The following KCMF1 variants were observed in gnomAD, a reference collection of about 807,000 sequenced individuals.
KCMF1 encodes the protein potassium channel modulatory factor 1, also known as E3 ubiquitin-protein ligase KCMF1.
Under a neutral mutation model 41.1 loss-of-function variants are expected in KCMF1, and 3 were observed. That is an observed-to-expected ratio of 0.07 (90% CI 0.03 to 0.19). The LOEUF is 0.19. Ranked by LOEUF, KCMF1 falls within the 10% of genes least tolerant of loss-of-function variation. KCMF1 has a pLI of 1.00. For synonymous variants in KCMF1, 142 were observed against 164.5 expected, an observed-to-expected ratio of 0.86 and a Z score of 1.04; for missense variants, 286 against 488.9, an observed-to-expected ratio of 0.58 and a Z score of 3.91.
At chr2:84,974,689 ATATTTTTTTTTT>A (rs1331770523) in intron 1 of KCMF1, among the ~76,000 whole-genome samples, 11 of 28,288 alleles carry the variant, frequency 3.9e-4, no homozygotes, top group Non-Finnish European at 5.1e-4. Context: ...ATATATATAT[ATATTTTTTTTTT>A]TTTTTTTTTT....
chr2:84,991,294 A>G (rs1674037714), intron 1 of KCMF1, among the ~76,000 whole-genome samples: 1 of 152,222 alleles, frequency 6.6e-6, no homozygotes, highest in Non-Finnish European at 1.5e-5. Flanking sequence ...ATGGAGGTCA[A>G]GAGTTCTGTT....
At chr2:85,008,878 C>G (rs545478591) in intron 1 of KCMF1, among the ~76,000 whole-genome samples, 12 of 151,944 alleles carry the variant, frequency 7.9e-5, no homozygotes, top group South Asian at 6.2e-4. Context: ...AGTCCTCCCC[C>G]GCTCAGTCTC....
chr2:85,005,359 G>C (rs1300051309), intron 1 of KCMF1, among the ~76,000 whole-genome samples: 1 of 151,718 alleles, frequency 6.6e-6, no homozygotes, highest in Non-Finnish European at 1.5e-5. Context: ...CACGATCTCA[G>C]CTCACTGCAA....
chr2:84,998,053 A>G (rs1434141177), intron 1 of KCMF1, among the ~76,000 whole-genome samples: 1 of 151,784 alleles, frequency 6.6e-6, no homozygotes, highest in African/African-American at 2.4e-5. Flanking sequence ...GATTACAGGC[A>G]TAAGCCCCCG....
intron 4 of KCMF1, among the ~76,000 whole-genome samples, chr2:85,045,888 TAC>T (rs143814912): frequency 0.011 from 1,629 of 151,822 alleles, 29 homozygotes; most frequent in African/African-American, 0.037. Flanking sequence ...ACACACCCAA[TAC>T]ACACACACAC....
At chr2:85,009,262 T>C (rs1377528038) in intron 1 of KCMF1, among the ~76,000 whole-genome samples, 3 of 152,148 alleles carry the variant, frequency 2.0e-5, no homozygotes, top group South Asian at 2.1e-4. Context: ...GAAGTAGGTG[T>C]CTGCTTCCCC....
chr2:84,978,721 T>C (rs960524500), intron 1 of KCMF1, among the ~76,000 whole-genome samples: 4 of 151,930 alleles, frequency 2.6e-5, no homozygotes, highest in Admixed American at 2.6e-4. Context: ...AATTTTTGTT[T>C]GTTTGCTTTT....
At chr2:85,008,930 A>G (rs1382280733) in intron 1 of KCMF1, among the ~76,000 whole-genome samples, 1 of 151,864 alleles carries the variant, frequency 6.6e-6, no homozygotes, top group African/African-American at 2.4e-5. Context: ...AGGTCTTACT[A>G]TATCGCCCTG....
At chr2:85,003,254 A>G (rs1196190339) in intron 1 of KCMF1, among the ~76,000 whole-genome samples, 1 of 152,158 alleles carries the variant, frequency 6.6e-6, no homozygotes, top group Non-Finnish European at 1.5e-5. Context: ...CGGGCAGATA[A>G]CGAGGTCAGG....
chr2:85,024,214 C>T (rs775400221), intron 1 of KCMF1, among the ~76,000 whole-genome samples: 12 of 152,154 alleles, frequency 7.9e-5, no homozygotes, highest in African/African-American at 2.7e-4. Flanking sequence ...TGGTGGCTCA[C>T]GCCTGTTGTA....
chr2:84,971,403 A>T lies in KCMF1; in HGVS notation c.-49A>T. 1 of 1,118,496 alleles carries T rather than the reference A, an allele frequency of 8.9e-7. No individual in the cohort carries two copies. The highest frequency in any genetic ancestry group is 1.1e-6 in the Non-Finnish European group (1 of 907,572). The allele number at this position is 1,118,496 out of a possible 1,614,324, so 69.3% of individuals were successfully genotyped here. A position where few individuals can be genotyped will look rare whatever the true frequency, so the allele number is the denominator to read the frequency against. On this transcript the variant is annotated 5_prime_UTR_variant, in exon 1 of 7. Transcript: ENST00000409785. ...GCAGCGCCGGGACCCCGCGGGGGAC[A>T]CTGCAGCCGGAGCCCGGGAGGGGCC...
intron 3 of KCMF1, among the ~76,000 whole-genome samples, chr2:85,039,863 A>G (rs1331152647): frequency 6.6e-6 from 1 of 152,060 alleles, no homozygotes; most frequent in Non-Finnish European, 1.5e-5. Context: ...CCCAGGCTCG[A>G]GTGCGATGGT....
At chr2:85,022,573 C>T (rs1674972922) in intron 1 of KCMF1, among the ~76,000 whole-genome samples, 1 of 152,060 alleles carries the variant, frequency 6.6e-6, no homozygotes, top group Admixed American at 6.5e-5. Flanking sequence ...GCTTTGCTTT[C>T]TGTTTTTTTG....
intron 3 of KCMF1, among the ~76,000 whole-genome samples, chr2:85,042,223 A>G (rs553260928): frequency 6.6e-6 from 1 of 152,376 alleles, no homozygotes; most frequent in East Asian, 1.9e-4. Context: ...CCTGAGTCAC[A>G]TAATCAGGAC....
intron 1 of KCMF1, among the ~76,000 whole-genome samples, chr2:84,985,894 T>TA (rs1673890304): frequency 1.3e-5 from 2 of 152,086 alleles, no homozygotes; most frequent in Admixed American, 1.3e-4. Flanking sequence ...CTCAAACTTT[T>TA]AAAAAAATAT....
At position 85,027,563 on chromosome 2, in the gene KCMF1, C is replaced by T. The variant is rs146378990; in HGVS notation, c.17-326C>T. 1.6e-3 allele frequency among the ~76,000 whole-genome samples: 250 copies of T among 151,774 alleles called. 1 individual carries two copies. Among genetic ancestry groups the T allele is most frequent in the African/African-American group, 5.7e-3 (236 of 41,416 alleles). ...CTAATTTTTGCATTTTTAGTAGAGACGGGGTTTCAACATGTTGACCAGGCT... is the reference window on the plus strand; with the variant it reads ...CTAATTTTTGCATTTTTAGTAGAGATGGGGTTTCAACATGTTGACCAGGCT... On this transcript the variant is annotated intron_variant, in intron 1 of 6. Coordinates refer to ENST00000409785, the MANE Select transcript of KCMF1 (RefSeq NM_020122.5).
At chr2:85,013,915 C>T (rs1476528495) in intron 1 of KCMF1, 7 of 152,080 alleles carry the variant, frequency 4.6e-5, no homozygotes, top group Admixed American at 3.9e-4. Flanking sequence ...ATTCTCTTAA[C>T]ATGTAGTGTG....
chr2:85,035,812 G>C (rs1675390164), intron 3 of KCMF1, among the ~76,000 whole-genome samples: 1 of 152,140 alleles, frequency 6.6e-6, no homozygotes, highest in Admixed American at 6.5e-5. Flanking sequence ...ACACCTAAGA[G>C]TCTCTCCCCC....
chr2:85,016,445 A>G (rs1674772330), intron 1 of KCMF1, among the ~76,000 whole-genome samples: 1 of 151,558 alleles, frequency 6.6e-6, no homozygotes, highest in African/African-American at 2.4e-5. Context: ...AAAAAAAAAC[A>G]GACAAACCCT....
Sources: gnomAD v4.1 joint callset for allele counts (sites outside exome capture counted in the v4.1 genomes callset) on GRCh38, gnomAD v4.1.1 for gene constraint, MANE v1.5 for transcripts, NCBI Gene and HGNC (gene_info 2026-07-23, HGNC 2026-07-21) for gene names.